The following COL19A1 variants were observed in gnomAD, a reference collection of about 807,000 sequenced individuals.
COL19A1 encodes collagen type XIX alpha 1 chain.
A neutral mutation model predicts 190.2 loss-of-function variants in COL19A1; 159 were observed. That is an observed-to-expected ratio of 0.84 (90% CI 0.73 to 0.95). The LOEUF (loss-of-function observed/expected upper bound fraction) is 0.95. COL19A1 is among the 40% of genes least tolerant of loss of function. The pLI is 0.00. For synonymous variants in COL19A1, 509 were observed against 458.9 expected, an observed-to-expected ratio of 1.11 and a Z score of -1.39; for missense variants, 1,418 against 1,431.9, an observed-to-expected ratio of 0.99 and a Z score of 0.16.
intron 4 of COL19A1, among the ~76,000 whole-genome samples, chr6:69,926,632 A>C (rs987643562): frequency 6.6e-6 from 1 of 152,148 alleles, no homozygotes; most frequent in African/African-American, 2.4e-5. Context: ...AACAGTTCCA[A>C]GACTGTGTGA....
intron 31 of COL19A1, among the ~76,000 whole-genome samples, chr6:70,152,403 G>A (rs756585017): frequency 5.3e-5 from 8 of 152,150 alleles, no homozygotes; most frequent in Non-Finnish European, 8.8e-5. Context: ...CATTTGTAAG[G>A]TAGAGTTTTG....
At chr6:69,991,851 C>G (rs927550778) in intron 11 of COL19A1, among the ~76,000 whole-genome samples, 2 of 151,958 alleles carry the variant, frequency 1.3e-5, no homozygotes, top group Non-Finnish European at 2.9e-5. Context: ...TCTGTTTACT[C>G]TGTGAATAGT....
At chr6:70,154,107 A>AAC (rs1460951821) in intron 31 of COL19A1, among the ~76,000 whole-genome samples, 3 of 70,304 alleles carry the variant, frequency 4.3e-5, no homozygotes, top group African/African-American at 1.0e-4. Context: ...TCCCTCCCCT[A>AAC]CCCCCCCCAA....
chr6:70,055,409 T>C (rs1201255943), intron 14 of COL19A1, among the ~76,000 whole-genome samples: 1 of 150,366 alleles, frequency 6.7e-6, no homozygotes, highest in African/African-American at 2.5e-5. Context: ...AAAAAAAAAA[T>C]AGAGACAACC....
At position 70,184,935 on chromosome 6, in the gene COL19A1, G is replaced by T. The variant is rs757877907; in HGVS notation, c.2856+20G>T. ...GAACGTGTATGTATATTACTATTGT[G>T]ATTGTTATTCAAGTCTGTCTGTTAC... is the stretch of plus-strand genomic sequence containing the variant. On this transcript the variant is annotated intron_variant, in intron 46 of 50. Transcript: ENST00000620364. The T allele has an allele frequency of 5.6e-6, 9 of 1,604,694 alleles. No individual in the cohort carries two copies. The highest frequency in any genetic ancestry group is 7.7e-6 in the Non-Finnish European group (9 of 1,175,296).
At position 70,211,558 on chromosome 6, in the gene COL19A1, T is replaced by C. The variant is rs1768210798; in HGVS notation, c.*4284T>C. 1.3e-5 allele frequency among the ~76,000 whole-genome samples: 2 copies of C among 149,578 alleles called. No homozygotes were observed. Among genetic ancestry groups the C allele is most frequent in the Non-Finnish European group, 3.0e-5 (2 of 67,558 alleles). The stretch of plus-strand genomic sequence containing the variant: ...GATGCAGAAGATAATTGAATTTGTA[T>C]CTTGTATGCCTATGTAATTCAAAGT... On this transcript the variant is annotated 3_prime_UTR_variant, in exon 51 of 51. Coordinates refer to ENST00000620364, the MANE Select transcript of COL19A1 (RefSeq NM_001858.6).
intron 2 of COL19A1, chr6:69,891,142 C>A: frequency 1.3e-5 from 2 of 154,258 alleles, no homozygotes; most frequent in East Asian, 1.8e-4. Context: ...AAGGACAGCT[C>A]AAAAATTCCA....
chr6:70,210,873 C>T lies in COL19A1; in HGVS notation c.*3599C>T, dbSNP rs756858249. Among the ~76,000 whole-genome samples the T allele has an allele frequency of 9.2e-5, 14 of 151,568 alleles. No homozygotes were observed. Among genetic ancestry groups the T allele is most frequent in the Non-Finnish European group, 1.9e-4 (13 of 67,852 alleles). On this transcript the variant is annotated 3_prime_UTR_variant, in exon 51 of 51. Transcript: ENST00000620364. ...GCATCTTTATGAAACAGGCACAGTA[C>T]CCTTTGGTTTGTTGACTGTTTTGAT...
chr6:70,107,336 GAGGA>G (rs1363336832), intron 16 of COL19A1, among the ~76,000 whole-genome samples: 3 of 152,148 alleles, frequency 2.0e-5, no homozygotes, highest in African/African-American at 7.2e-5. Flanking sequence ...GGATGGCGGT[GAGGA>G]ACTTAGTCCT....
At chr6:69,998,609 C>T (rs1382494691) in intron 11 of COL19A1, among the ~76,000 whole-genome samples, 1 of 144,650 alleles carries the variant, frequency 6.9e-6, no homozygotes, top group African/African-American at 2.6e-5. Context: ...CACTCCACTG[C>T]ACTCTATTCT....
chr6:69,933,438 A>G (rs1003165748), intron 7 of COL19A1, among the ~76,000 whole-genome samples: 2 of 152,102 alleles, frequency 1.3e-5, no homozygotes, highest in Non-Finnish European at 2.9e-5. Context: ...CAAACACTTT[A>G]TTCAGAAACA....
At chr6:69,942,444 T>G (rs544528754) in intron 9 of COL19A1, among the ~76,000 whole-genome samples, 1 of 152,348 alleles carries the variant, frequency 6.6e-6, no homozygotes, top group Admixed American at 6.5e-5. Flanking sequence ...ATAGTCACCC[T>G]ACAGTGCTAT....
intron 33 of COL19A1, 117 bp from the exon 34 acceptor site, chr6:70,156,553 T>G: frequency 2.5e-6 from 3 of 1,189,040 alleles, no homozygotes; most frequent in Non-Finnish European, 3.6e-6. Context: ...TGCCATTTAT[T>G]TGTTCCCTGA....
At chr6:70,034,914 TC>T (rs1293546188) in intron 13 of COL19A1, among the ~76,000 whole-genome samples, 2 of 152,188 alleles carry the variant, frequency 1.3e-5, no homozygotes, top group Admixed American at 1.3e-4. Flanking sequence ...TCAATATTTA[TC>T]TCTGTGTTAA....
chr6:69,894,624 C>G (rs561465881), intron 2 of COL19A1, among the ~76,000 whole-genome samples: 22 of 152,238 alleles, frequency 1.4e-4, no homozygotes, highest in Admixed American at 9.2e-4. Context: ...AGAAGAAAAC[C>G]CAGTCGCTGG....
intron 14 of COL19A1, among the ~76,000 whole-genome samples, chr6:70,056,530 G>A (rs555798488): frequency 1.2e-4 from 19 of 152,216 alleles, no homozygotes; most frequent in East Asian, 7.7e-4. Flanking sequence ...CACCTGTGCC[G>A]TGTGATTCAT....
chr6:70,079,877 A>G, intron 15 of COL19A1, among the ~76,000 whole-genome samples: 1 of 152,302 alleles, frequency 6.6e-6, no homozygotes, highest in East Asian at 1.9e-4. Context: ...GTGTATATAT[A>G]TATATGTGAA....
intron 36 of COL19A1, among the ~76,000 whole-genome samples, chr6:70,165,673 T>C (rs1026302456): frequency 6.6e-6 from 1 of 151,674 alleles, no homozygotes; most frequent in Non-Finnish European, 1.5e-5. Flanking sequence ...ACCTGGGTTG[T>C]CTGGCTCCAT....
intron 7 of COL19A1, 114 bp from the exon 8 acceptor site, chr6:69,936,671 G>A: frequency 2.2e-6 from 3 of 1,357,370 alleles, no homozygotes; most frequent in South Asian, 2.8e-5. Context: ...TGGTTAGTAA[G>A]AAGCAGTTCT....
Sources: gnomAD v4.1 joint callset for allele counts (sites outside exome capture counted in the v4.1 genomes callset) on GRCh38, gnomAD v4.1.1 for gene constraint, MANE v1.5 for transcripts, NCBI Gene and HGNC (gene_info 2026-07-23, HGNC 2026-07-21) for gene names.